Variants in SLC2A9 observed in about 807,000 individuals in gnomAD.
SLC2A9 encodes solute carrier family 2 member 9.
A neutral mutation model predicts 50.6 loss-of-function variants in SLC2A9; 39 were observed. That is an observed-to-expected ratio of 0.77 (90% CI 0.60 to 1.01). SLC2A9 has a LOEUF of 1.01. Ranked by LOEUF, SLC2A9 falls within the 50% of genes least tolerant of loss-of-function variation. SLC2A9 has a pLI of 0.00. For synonymous variants in SLC2A9, 324 were observed against 276.9 expected (o/e 1.17, Z -1.69); for missense variants, 686 against 677.6 (o/e 1.01, Z -0.14).
chr4:9,950,040 T>C (rs11726102), intron 5 of SLC2A9, among the ~76,000 whole-genome samples: 43,500 of 151,980 alleles, frequency 0.29, 7,060 homozygotes, highest in African/African-American at 0.43. Context: ...GTGGGGAGCA[T>C]GTGGCTGGTC....
intron 10 of SLC2A9, among the ~76,000 whole-genome samples, chr4:9,878,645 A>G (rs993257306): frequency 6.6e-6 from 1 of 151,988 alleles, no homozygotes; most frequent in African/African-American, 2.4e-5. Context: ...AATTGTAAGT[A>G]GGGCACTTTC....
chr4:9,955,089 G>A (rs1006820671), intron 5 of SLC2A9, among the ~76,000 whole-genome samples: 6 of 152,136 alleles, frequency 3.9e-5, no homozygotes, highest in African/African-American at 7.2e-5. Flanking sequence ...TAAACACACG[G>A]CGTGTGCGGC....
chr4:9,867,298 C>T (rs1732648351), intron 10 of SLC2A9, among the ~76,000 whole-genome samples: 1 of 152,208 alleles, frequency 6.6e-6, no homozygotes, highest in Admixed American at 6.5e-5. Context: ...TCCTTCAAGG[C>T]CTGGTTCCGC....
intron 2 of SLC2A9, among the ~76,000 whole-genome samples, chr4:10,002,546 A>G (rs367567097): frequency 1.6e-3 from 248 of 152,348 alleles, no homozygotes; most frequent in African/African-American, 5.4e-3. Flanking sequence ...CTAATGGTGC[A>G]TTTATTGATT....
At chr4:9,816,573 G>A (rs1396330571) in intron 3 of SLC2A9, among the ~76,000 whole-genome samples, 2 of 152,128 alleles carry the variant, frequency 1.3e-5, no homozygotes, top group African/African-American at 4.8e-5. Flanking sequence ...AAATACATGA[G>A]GTGATGATAT....
At chr4:9,948,887 T>C (rs1451033942) in intron 5 of SLC2A9, among the ~76,000 whole-genome samples, 2 of 152,238 alleles carry the variant, frequency 1.3e-5, no homozygotes, top group East Asian at 3.8e-4. Flanking sequence ...TATGGGCCCA[T>C]GATTCCAAAT....
chr4:9,878,318 C>A (rs951408023), intron 10 of SLC2A9, among the ~76,000 whole-genome samples: 1 of 152,012 alleles, frequency 6.6e-6, no homozygotes, highest in African/African-American at 2.4e-5. Flanking sequence ...TTCAAGGCAG[C>A]GCTGGCCATG....
chr4:9,949,111 T>C (rs1368666936), intron 5 of SLC2A9, among the ~76,000 whole-genome samples: 4 of 152,248 alleles, frequency 2.6e-5, no homozygotes, highest in Admixed American at 2.6e-4. Flanking sequence ...GGATGACTTC[T>C]CTATCTGGTA....
At chr4:9,927,678 C>T (rs1745150920) in intron 6 of SLC2A9, among the ~76,000 whole-genome samples, 2 of 152,290 alleles carry the variant, frequency 1.3e-5, no homozygotes, top group African/African-American at 4.8e-5. Context: ...GTTTTTATTA[C>T]CGACAGCAGT....
At chr4:9,869,738 T>C (rs569297161) in intron 10 of SLC2A9, among the ~76,000 whole-genome samples, 4 of 152,362 alleles carry the variant, frequency 2.6e-5, no homozygotes, top group South Asian at 2.1e-4. Context: ...AGGTGTCCAA[T>C]AGACTAGGAT....
upstream of SLC2A9, chr4:10,026,085 G>T: frequency 9.7e-7 from 1 of 1,026,998 alleles, no homozygotes; most frequent in Non-Finnish European, 1.5e-6. Context: ...GCCTGGAGCA[G>T]TCTTCGAAAG....
chr4:10,040,247 A>ACACT (rs1423552808), exon 1 of SLC2A9: 1 of 152,190 alleles, frequency 6.6e-6, no homozygotes, highest in African/African-American at 2.4e-5. Flanking sequence ...CCTAGAGCCA[A>ACACT]CACTCAGCCA....
At chr4:9,845,424 TTTC>T (rs1273600364) in intron 10 of SLC2A9, among the ~76,000 whole-genome samples, 1 of 135,642 alleles carries the variant, frequency 7.4e-6, no homozygotes, top group Non-Finnish European at 1.5e-5. Context: ...CGATCATCAA[TTTC>T]TTTTTTTTTT....
At chr4:9,931,962 CTA>C (rs61538689) in intron 6 of SLC2A9, among the ~76,000 whole-genome samples, 233 of 14,552 alleles carry the variant, frequency 0.016, 2 homozygotes, top group Non-Finnish European at 0.017. Flanking sequence ...CTCTCTCTCT[CTA>C]TATATATATA....
intron 5 of SLC2A9, among the ~76,000 whole-genome samples, chr4:9,956,342 C>T (rs1417666987): frequency 2.0e-5 from 3 of 151,676 alleles, no homozygotes; most frequent in East Asian, 3.9e-4. Flanking sequence ...AAAAATTAGC[C>T]GGGCATGGTA....
rs568365303 is a variant in SLC2A9, at chr4:9,870,697, C to T, written c.1291+16870G>A. Among the ~76,000 whole-genome samples, 7 of 152,304 alleles carry T rather than the reference C, an allele frequency of 4.6e-5. No individual in the cohort carries two copies. The East Asian group carries it at 1.4e-3, about 29-fold the overall frequency. ...TACTAAAACCGAACATGTGAAAATG[C>T]AAGGGAGAACGGCTGGAAAAAGGAG... is the stretch of plus-strand genomic sequence containing the variant. On this transcript the variant is annotated intron_variant, in intron 10 of 11. Coordinates refer to ENST00000264784, the MANE Select transcript of SLC2A9 (RefSeq NM_020041.3).
intron 1 of SLC2A9, among the ~76,000 whole-genome samples, chr4:10,036,970 A>G (rs971280043): frequency 6.6e-6 from 1 of 152,152 alleles, no homozygotes; most frequent in Non-Finnish European, 1.5e-5. Flanking sequence ...CTTAATTGTT[A>G]AGCATTCTCA....
chr4:9,831,252 G>A (rs1017602116), intron 11 of SLC2A9, among the ~76,000 whole-genome samples: 3 of 152,260 alleles, frequency 2.0e-5, no homozygotes, highest in Admixed American at 6.5e-5. Context: ...CTAAGCCCTA[G>A]CACCTCAGGA....
At chr4:9,815,812 G>A (rs1045998122) in intron 3 of SLC2A9, among the ~76,000 whole-genome samples, 1 of 152,148 alleles carries the variant, frequency 6.6e-6, no homozygotes, top group African/African-American at 2.4e-5. Context: ...GCAAGGTAAT[G>A]GCTAGTCTGG....
Sources: gnomAD v4.1 joint callset for allele counts (sites outside exome capture counted in the v4.1 genomes callset) on GRCh38, gnomAD v4.1.1 for gene constraint, MANE v1.5 for transcripts, NCBI Gene and HGNC (gene_info 2026-07-23, HGNC 2026-07-21) for gene names.